COL23A1: variants seen among roughly 807,000 people sequenced by gnomAD.
The protein encoded by COL23A1 is collagen type XXIII alpha 1 chain, also known as collagen alpha-1(XXIII) chain.
A neutral mutation model predicts 99.3 loss-of-function variants in COL23A1; 97 were observed. The ratio of observed to expected loss-of-function variants is 0.98; its 90% CI spans 0.83 to 1.16. The LOEUF is 1.16. Among genes scored for constraint, COL23A1 ranks in the 50% most tolerant of loss-of-function variants. The pLI is 0.00. For synonymous variants in COL23A1, 320 were observed against 308.2 expected, an observed-to-expected ratio of 1.04 and a Z score of -0.40; for missense variants, 762 against 757.4, an observed-to-expected ratio of 1.01 and a Z score of -0.07.
chr5:178,331,637 A>G (rs1438188049), intron 2 of COL23A1, among the ~76,000 whole-genome samples: 1 of 152,148 alleles, frequency 6.6e-6, no homozygotes, highest in Non-Finnish European at 1.5e-5. Context: ...GGGCAGGAGT[A>G]AACACCATAG....
rs912873120 is a variant in COL23A1, at chr5:178,308,740, G to A, written c.362-1821C>T. Among the ~76,000 whole-genome samples, 1 of 152,100 alleles carries A rather than the reference G, an allele frequency of 6.6e-6. No individual in the cohort carries two copies. Among genetic ancestry groups the A allele is most frequent in the Non-Finnish European group, 1.5e-5 (1 of 68,034 alleles). On this transcript the variant is annotated intron_variant, in intron 2 of 28. Coordinates refer to ENST00000390654, the MANE Select transcript of COL23A1 (RefSeq NM_173465.4). The surrounding 1 kb of genome is among the most constrained non-coding windows in gnomAD (Gnocchi z 5.1). Reference sequence around the variant, plus strand: ...CAGTGCCCTGTGCGGGGCTGATGGTGCCTGGGAACCTCCAGAGCCAGTCAC... The same window carrying A: ...CAGTGCCCTGTGCGGGGCTGATGGTACCTGGGAACCTCCAGAGCCAGTCAC...
intron 18 of COL23A1, among the ~76,000 whole-genome samples, chr5:178,249,716 A>ACTCTCTCT (rs59946818): frequency 1.3e-4 from 12 of 92,806 alleles, no homozygotes; most frequent in Middle Eastern, 9.8e-3. Context: ...ACACACACAC[A>ACTCTCTCT]CTCTCTCTCT....
intron 2 of COL23A1, among the ~76,000 whole-genome samples, chr5:178,542,290 C>G (rs139865894): frequency 0.06 from 9,072 of 152,234 alleles, 405 homozygotes; most frequent in Middle Eastern, 0.16. Flanking sequence ...CTCAGCCTCC[C>G]AAAGTGCTGG....
In COL23A1 at chr5:178,247,558, G is replaced by T; in HGVS notation, c.1270-6C>A. ...CCCTGGATTCCCTGGAGGCCCTGCAGGAGGAGGAAGCAGATAAGAAGGCTG... is the reference window on the plus strand; with the variant it reads ...CCCTGGATTCCCTGGAGGCCCTGCATGAGGAGGAAGCAGATAAGAAGGCTG... On this transcript the variant is annotated splice_polypyrimidine_tract_variant and splice_region_variant and intron_variant, in intron 21 of 28. Transcript: ENST00000390654. 5 of 1,614,040 alleles carry T rather than the reference G, an allele frequency of 3.1e-6. No homozygotes were observed. Among genetic ancestry groups the T allele is most frequent in the Non-Finnish European group, 4.2e-6 (5 of 1,179,882 alleles).
At chr5:178,515,814 T>C (rs1428319684) in intron 2 of COL23A1, among the ~76,000 whole-genome samples, 1 of 151,974 alleles carries the variant, frequency 6.6e-6, no homozygotes, top group African/African-American at 2.4e-5. Context: ...TCTCCTTCCC[T>C]TCCACAGCTC....
intron 2 of COL23A1, among the ~76,000 whole-genome samples, chr5:178,497,029 G>A (rs948167049): frequency 2.0e-5 from 3 of 152,090 alleles, no homozygotes; most frequent in African/African-American, 7.2e-5. Context: ...AATTCCATTT[G>A]GTTTCCTGGC....
intron 5 of COL23A1, among the ~76,000 whole-genome samples, chr5:178,271,519 C>A (rs1217111716): frequency 6.6e-6 from 1 of 152,188 alleles, no homozygotes; most frequent in African/African-American, 2.4e-5. Flanking sequence ...TGTGACATGA[C>A]CTGTTGTTAA....
intron 2 of COL23A1, among the ~76,000 whole-genome samples, chr5:178,520,142 T>C (rs866234152): frequency 6.6e-6 from 1 of 151,890 alleles, no homozygotes; most frequent in Admixed American, 6.6e-5. Context: ...ATCTGAATGG[T>C]TGGACAGATG....
intron 2 of COL23A1, among the ~76,000 whole-genome samples, chr5:178,526,240 C>G (rs885307): frequency 6.6e-6 from 1 of 152,182 alleles, no homozygotes; most frequent in Non-Finnish European, 1.5e-5. Context: ...CTGGCTGCCC[C>G]GGGAACTGCC....
intron 2 of COL23A1, among the ~76,000 whole-genome samples, chr5:178,537,480 C>A (rs1206994302): frequency 6.6e-6 from 1 of 152,086 alleles, no homozygotes; most frequent in Non-Finnish European, 1.5e-5. Flanking sequence ...AGAACAGTGT[C>A]CACAGATGCC....
intron 2 of COL23A1, among the ~76,000 whole-genome samples, chr5:178,400,425 C>T (rs906080475): frequency 4.0e-5 from 6 of 149,302 alleles, no homozygotes; most frequent in Non-Finnish European, 5.9e-5. Context: ...TTTGGTGCAC[C>T]GTTCTTTGTG....
chr5:178,242,721 G>A (rs1320249083), intron 25 of COL23A1, among the ~76,000 whole-genome samples: 1 of 152,182 alleles, frequency 6.6e-6, no homozygotes, highest in Admixed American at 6.5e-5. Flanking sequence ...CAGAGACCCC[G>A]GAAACCATGG....
chr5:178,378,458 G>A (rs1763200278), intron 2 of COL23A1, among the ~76,000 whole-genome samples: 1 of 152,166 alleles, frequency 6.6e-6, no homozygotes, highest in African/African-American at 2.4e-5. Context: ...GGGCAGGGCT[G>A]GGAAGCCTAA....
chr5:178,538,470 GC>G (rs1301032334), intron 2 of COL23A1, among the ~76,000 whole-genome samples: 1 of 152,150 alleles, frequency 6.6e-6, no homozygotes, highest in Non-Finnish European at 1.5e-5. Context: ...TGTTTAAATT[GC>G]TTTCATAAAA....
chr5:178,586,443 C>T (rs933572018), intron 1 of COL23A1, among the ~76,000 whole-genome samples: 5 of 152,132 alleles, frequency 3.3e-5, no homozygotes, highest in African/African-American at 1.2e-4. Context: ...TAAATTCATT[C>T]AGCTTACAGA....
At chr5:178,370,708 T>C (rs1446464173) in intron 2 of COL23A1, among the ~76,000 whole-genome samples, 2 of 152,130 alleles carry the variant, frequency 1.3e-5, no homozygotes, top group Non-Finnish European at 2.9e-5. Context: ...AAAAATAAAA[T>C]GTTGAATAAT....
intron 2 of COL23A1, among the ~76,000 whole-genome samples, chr5:178,408,581 CTT>C (rs1736148674): frequency 6.6e-6 from 1 of 152,174 alleles, no homozygotes; most frequent in Non-Finnish European, 1.5e-5. Context: ...GGTTTCTACA[CTT>C]CAATTAAACT....
At chr5:178,389,972 G>A (rs1033458113) in intron 2 of COL23A1, among the ~76,000 whole-genome samples, 3 of 152,190 alleles carry the variant, frequency 2.0e-5, no homozygotes, top group South Asian at 2.1e-4. Flanking sequence ...AAAGACGCTC[G>A]GCGGCAGGAG....
Position 178,246,439 on chromosome 5 carries a change from TGCTCCATCCAA to T in COL23A1, c.1300_1310del (p.Leu434LysfsTer9). ...CACCCGACGCACCCTTCTCTCCCTTTGCTCCATCCAAGCCCTGGAGGCAAAGGAGGGAAATC... is the reference window on the plus strand; with the variant it reads ...CACCCGACGCACCCTTCTCTCCCTTTGCCCTGGAGGCAAAGGAGGGAAATC... On this transcript the variant is annotated frameshift_variant, in exon 23 of 29. Coordinates refer to ENST00000390654, the MANE Select transcript of COL23A1 (RefSeq NM_173465.4). LOFTEE classifies it high-confidence loss of function. 6.4e-7 allele frequency: 1 copy of T among 1,572,994 alleles called. No homozygotes were observed. Among genetic ancestry groups the T allele is most frequent in the Non-Finnish European group, 8.6e-7 (1 of 1,158,208 alleles).
Sources: gnomAD v4.1 joint callset for allele counts (sites outside exome capture counted in the v4.1 genomes callset) on GRCh38, gnomAD v4.1.1 for gene constraint, Gnocchi (gnomAD v3.1) non-coding constraint, MANE v1.5 for transcripts, NCBI Gene and HGNC (gene_info 2026-07-23, HGNC 2026-07-21) for gene names.